The following ARHGEF3 variants were observed in gnomAD, a reference collection of about 807,000 sequenced individuals.
The protein encoded by ARHGEF3 is Rho guanine nucleotide exchange factor 3.
Under a neutral mutation model 63.2 loss-of-function variants are expected in ARHGEF3, and 28 were observed. The observed-to-expected ratio is 0.44, with a 90% CI of 0.33 to 0.61. The LOEUF (loss-of-function observed/expected upper bound fraction) is 0.61, where lower values mean the gene tolerates loss of function less well. Ranked by LOEUF, ARHGEF3 falls within the 20% of genes least tolerant of loss-of-function variation. The pLI is 0.03. For synonymous variants in ARHGEF3, 266 were observed against 254.2 expected, an observed-to-expected ratio of 1.05 and a Z score of -0.44; for missense variants, 533 against 659.3, an observed-to-expected ratio of 0.81 and a Z score of 2.10.
intron 4 of ARHGEF3, among the ~76,000 whole-genome samples, chr3:56,819,030 C>A (rs559356715): frequency 4.6e-5 from 7 of 152,224 alleles, no homozygotes; most frequent in African/African-American, 1.7e-4. Flanking sequence ...ATACTGACAG[C>A]AACAATAAAC....
chr3:56,752,113 G>A (rs2034799592), intron 4 of ARHGEF3, among the ~76,000 whole-genome samples: 1 of 151,846 alleles, frequency 6.6e-6, no homozygotes, highest in South Asian at 2.1e-4. Context: ...AGTAGAGACA[G>A]GGTTTCACCA....
intron 2 of ARHGEF3, among the ~76,000 whole-genome samples, chr3:56,759,873 T>G (rs1435734477): frequency 1.3e-5 from 2 of 152,198 alleles, no homozygotes; most frequent in African/African-American, 4.8e-5. Context: ...TAGTGAACAA[T>G]TCAGTGCTAT....
At chr3:56,774,801 G>A (rs981055515) in intron 1 of ARHGEF3, among the ~76,000 whole-genome samples, 2 of 151,908 alleles carry the variant, frequency 1.3e-5, no homozygotes, top group African/African-American at 4.8e-5. Flanking sequence ...CGGGAGGCGT[G>A]GGATTGCTTG....
chr3:56,738,857 A>C (rs2033817997), intron 7 of ARHGEF3, among the ~76,000 whole-genome samples: 1 of 152,090 alleles, frequency 6.6e-6, no homozygotes, highest in Non-Finnish European at 1.5e-5. Flanking sequence ...TTGGGAAGCC[A>C]AGGAAGGCAT....
intron 2 of ARHGEF3, among the ~76,000 whole-genome samples, chr3:56,756,675 G>A (rs2035089175): frequency 6.6e-6 from 1 of 150,636 alleles, no homozygotes. Context: ...TCAGCCTCCT[G>A]AGTAGCTGGG....
chr3:56,806,512 C>T (rs1434991809), upstream of ARHGEF3, among the ~76,000 whole-genome samples: 6 of 152,242 alleles, frequency 3.9e-5, no homozygotes, highest in East Asian at 1.9e-4. Flanking sequence ...GCTTCACAGC[C>T]GGGCAGTGTT....
At chr3:56,772,355 G>A (rs2036052977) in intron 2 of ARHGEF3, among the ~76,000 whole-genome samples, 1 of 152,216 alleles carries the variant, frequency 6.6e-6, no homozygotes, top group African/African-American at 2.4e-5. Context: ...GGACAGAAAG[G>A]GCTGAGGGAG....
Position 57,013,909 on chromosome 3 carries a change from C to T in ARHGEF3, c.62+21179G>A, listed in dbSNP as rs150957049. Among the ~76,000 whole-genome samples, 372 of 152,280 alleles carry T rather than the reference C, an allele frequency of 2.4e-3. 2 individuals are homozygous for T. The highest frequency in any genetic ancestry group is 3.8e-3 in the Non-Finnish European group (260 of 68,022). ...AGATAAGGGAATAAAAGCAGGCTGCCGGAGCCAGCAGCGGCAACTCTTTGG... is the reference window on the plus strand; with the variant it reads ...AGATAAGGGAATAAAAGCAGGCTGCTGGAGCCAGCAGCGGCAACTCTTTGG... On this transcript the variant is annotated intron_variant, in intron 2 of 12. Transcript: ENST00000338458.
In ARHGEF3 at chr3:56,729,281, T is replaced by C. The variant is rs142645767; in HGVS notation, c.1570A>G (p.Ser524Gly). Residue 524 changes from serine to glycine, a missense_variant, in exon 10 of 10, where the codon AGT (serine) becomes GGT (glycine). By Grantham distance (56) the Ser-to-Gly change is moderately conservative. This residue lies in a region of ARHGEF3 where 115 missense variants were observed against 103.4 expected (regional missense o/e 1.11). Transcript: ENST00000296315. Reference sequence around the variant, plus strand: ...TGCACATGCTTCTGTCAGACGTTACTTTCACCGTGCCTGCTGTTTCCACAG... The same window carrying C: ...TGCACATGCTTCTGTCAGACGTTACCTTCACCGTGCCTGCTGTTTCCACAG... ...SSCGNSRHGE[S>G]NV The C allele has an allele frequency of 6.2e-7, 1 of 1,611,502 alleles. No individual in the cohort carries two copies. The highest frequency in any genetic ancestry group is 1.3e-5 in the African/African-American group (1 of 74,910).
At chr3:56,805,224 C>A (rs1326120236), upstream of ARHGEF3, among the ~76,000 whole-genome samples, 1 of 152,004 alleles carries the variant, frequency 6.6e-6, no homozygotes, top group Non-Finnish European at 1.5e-5. Flanking sequence ...AGTAAACAAA[C>A]CCTAAGAAAT....
chr3:56,764,233 C>T (rs1327315188), intron 2 of ARHGEF3, among the ~76,000 whole-genome samples: 3 of 152,128 alleles, frequency 2.0e-5, no homozygotes, highest in Non-Finnish European at 4.4e-5. Context: ...TTGCATAGTG[C>T]AAGTCCAAAA....
At chr3:56,790,951 A>G (rs1037758035) in intron 1 of ARHGEF3, among the ~76,000 whole-genome samples, 3 of 151,878 alleles carry the variant, frequency 2.0e-5, no homozygotes, top group African/African-American at 7.3e-5. Context: ...AGGTTCTGAC[A>G]TAGGCTGTCA....
intron 4 of ARHGEF3, among the ~76,000 whole-genome samples, chr3:56,830,292 GA>G (rs2038885993): frequency 6.6e-6 from 1 of 152,080 alleles, no homozygotes; most frequent in South Asian, 2.1e-4. Flanking sequence ...TGCTGATGAT[GA>G]TAGGGAGGCT....
At chr3:56,823,969 A>G (rs2038613799) in intron 4 of ARHGEF3, among the ~76,000 whole-genome samples, 1 of 135,606 alleles carries the variant, frequency 7.4e-6, no homozygotes, top group Admixed American at 8.6e-5. Flanking sequence ...AACAAAGAGA[A>G]AAGATCTTGA....
At chr3:56,890,597 C>A (rs1046303839) in intron 3 of ARHGEF3, among the ~76,000 whole-genome samples, 58 of 152,328 alleles carry the variant, frequency 3.8e-4, no homozygotes, top group African/African-American at 1.3e-3. Context: ...ACCTGGTACG[C>A]TGCCTGACTC....
intron 3 of ARHGEF3, among the ~76,000 whole-genome samples, chr3:56,942,736 G>C (rs982583094): frequency 5.3e-5 from 8 of 152,342 alleles, no homozygotes; most frequent in Middle Eastern, 6.8e-3. Flanking sequence ...CGAGTTGTAA[G>C]TGCAAAGGAA....
intron 2 of ARHGEF3, among the ~76,000 whole-genome samples, chr3:56,999,529 T>C (rs1702111368): frequency 6.6e-6 from 1 of 152,156 alleles, no homozygotes. Context: ...TTTTAGCAAA[T>C]ATTTTCCAGG....
chr3:56,885,690 A>G (rs2040900459), intron 3 of ARHGEF3, among the ~76,000 whole-genome samples: 1 of 152,212 alleles, frequency 6.6e-6, no homozygotes, highest in Non-Finnish European at 1.5e-5. Flanking sequence ...CACCTGCTCC[A>G]AGTGTCAAAT....
At chr3:56,968,213 TA>T (rs1283806554) in intron 2 of ARHGEF3, among the ~76,000 whole-genome samples, 1 of 23,870 alleles carries the variant, frequency 4.2e-5, no homozygotes, top group African/African-American at 1.0e-4. Flanking sequence ...TAAAAATATA[TA>T]TTATATATAA....
Sources: allele counts gnomAD v4.1 joint callset (sites outside exome capture counted in the v4.1 genomes callset), GRCh38; gene constraint gnomAD v4.1.1; regional missense constraint gnomAD v4.1.1; transcripts MANE v1.5; gene names NCBI Gene and HGNC (gene_info 2026-07-23, HGNC 2026-07-21).